Variants in TNPO2 observed in about 807,000 individuals in gnomAD.
The protein encoded by TNPO2 is transportin-2.
Under a neutral mutation model 111.1 loss-of-function variants are expected in TNPO2, and 16 were observed. That is an observed-to-expected ratio of 0.14 (90% CI 0.10 to 0.22). The LOEUF (loss-of-function observed/expected upper bound fraction) is 0.22. Among genes scored for constraint, TNPO2 ranks in the 10% least tolerant of loss-of-function variants. TNPO2 has a pLI of 1.00. For missense variants in TNPO2, 530 were observed against 1,173.7 expected (o/e 0.45, Z 8.01); for synonymous variants, 481 against 475.8 (o/e 1.01, Z -0.14).
Position 12,715,551 on chromosome 19 carries a change from G to A in TNPO2, c.433-13C>T, listed in dbSNP as rs966851734. 2 of 1,613,746 alleles carry A rather than the reference G, an allele frequency of 1.2e-6. No homozygotes were observed. The highest frequency in any genetic ancestry group is 1.7e-5 in the Admixed American group (1 of 59,978). On this transcript the variant is annotated splice_polypyrimidine_tract_variant and intron_variant, in intron 6 of 25. Coordinates refer to ENST00000425528, the MANE Select transcript of TNPO2 (RefSeq NM_001382241.1). This position sits in a 1 kb window ranked among gnomAD's most constrained non-coding sequence, Gnocchi z 7.1. ...CTCCAAAGGCTCCCTGAGTGCAGAGGGGCAGAGAGACAAACGTGGGTGGTG... is the reference window on the plus strand; with the variant it reads ...CTCCAAAGGCTCCCTGAGTGCAGAGAGGCAGAGAGACAAACGTGGGTGGTG...
At position 12,705,629 on chromosome 19, in the gene TNPO2, C is replaced by T. The variant is rs1486432265; in HGVS notation, c.1756-30G>A. 2 of 1,579,328 alleles carry T rather than the reference C, an allele frequency of 1.3e-6. No individual in the cohort carries two copies. Among genetic ancestry groups the T allele is most frequent in the Admixed American group, 1.8e-5 (1 of 54,628 alleles). ...CAGGGAGGAAGGCAGGTGGGGAGAA[C>T]TCAGGCAGGGTGGGCAGGATGGGTT... On this transcript the variant is annotated intron_variant, in intron 16 of 25. Coordinates refer to ENST00000425528, the MANE Select transcript of TNPO2 (RefSeq NM_001382241.1). The surrounding 1 kb of genome is among the most constrained non-coding windows in gnomAD (Gnocchi z 7.2).
chr19:12,702,969 G>A lies in TNPO2; in HGVS notation c.2210-51C>T. On this transcript the variant is annotated intron_variant, in intron 20 of 25. Transcript: ENST00000425528. This position sits in a 1 kb window ranked among gnomAD's most constrained non-coding sequence, Gnocchi z 5.5. ...TGCACAGCCCCCGCCACCCACAGGG[G>A]CCAGGGGGCCGCCCCACCTCACTCA... 1 of 1,543,550 alleles carries A rather than the reference G, an allele frequency of 6.5e-7. No individual in the cohort carries two copies. Among genetic ancestry groups the A allele is most frequent in the Non-Finnish European group, 8.9e-7 (1 of 1,119,982 alleles).
rs536246408 is a variant in TNPO2, at chr19:12,719,611, C to A, written c.100-275G>T. 3.9e-5 allele frequency among the ~76,000 whole-genome samples: 6 copies of A among 152,166 alleles called. No individual in the cohort carries two copies. Among genetic ancestry groups the A allele is most frequent in the African/African-American group, 1.4e-4 (6 of 41,510 alleles). ...AGGAGTTCGAGACTAGCCTGGCCAG[C>A]GTGGTGAAACCCCATCTCTACTAAA... On this transcript the variant is annotated intron_variant, in intron 3 of 25. Transcript: ENST00000425528. The surrounding 1 kb of genome is among the most constrained non-coding windows in gnomAD (Gnocchi z 5.0).
intron 13 of TNPO2, among the ~76,000 whole-genome samples, chr19:12,708,355 C>A (rs896258064): frequency 6.6e-5 from 10 of 151,800 alleles, no homozygotes; most frequent in Non-Finnish European, 1.3e-4. Flanking sequence ...TGGTCTTGAA[C>A]CCCTGGCATC....
chr19:12,722,556 A>G (rs950812980), intron 2 of TNPO2: 1 of 136,130 alleles, frequency 7.3e-6, no homozygotes, highest in African/African-American at 2.8e-5. Context: ...CCAAAGAGAG[A>G]GAATTAAAAA....
chr19:12,702,517 C>A lies in TNPO2; in HGVS notation c.2305+306G>T. The A allele has an allele frequency of 1.9e-6, 1 of 524,978 alleles. No individual in the cohort carries two copies. 32.5% of individuals were successfully genotyped at this position (524,978 alleles called of 1,614,324 possible). ...GAGTAGCTGGGATTGCAGGCACGTG[C>A]CATTACCCCCGGCTAATTTTTGTAT... On this transcript the variant is annotated intron_variant, in intron 21 of 25. Transcript: ENST00000425528. The surrounding 1 kb of genome is among the most constrained non-coding windows in gnomAD (Gnocchi z 5.5).
rs1031775692 is a variant in TNPO2, at chr19:12,701,259, G to A, written c.*21-16C>T. The A allele has an allele frequency of 1.9e-6, 2 of 1,038,088 alleles. No homozygotes were observed. Among genetic ancestry groups the A allele is most frequent in the Non-Finnish European group, 2.9e-6 (2 of 693,210 alleles). The allele number at this position is 1,038,088 out of a possible 1,614,324, so 64.3% of individuals were successfully genotyped here. On this transcript the variant is annotated splice_polypyrimidine_tract_variant and intron_variant, in intron 25 of 25. Transcript: ENST00000425528. This position sits in a 1 kb window ranked among gnomAD's most constrained non-coding sequence, Gnocchi z 5.0. The stretch of plus-strand genomic sequence containing the variant: ...AGACAGAAACCTGCAGGGGGAGGAG[G>A]AAGGTCATGGCCTGGGACCTTTCGG...
At chr19:12,713,565 C>A (rs938752329) in intron 10 of TNPO2, among the ~76,000 whole-genome samples, 1 of 152,096 alleles carries the variant, frequency 6.6e-6, no homozygotes, top group African/African-American at 2.4e-5. Flanking sequence ...AATCCTAGCA[C>A]TTTGGGAGGC....
At position 12,720,870 on chromosome 19, in the gene TNPO2, G is replaced by T. The variant is rs373277042; in HGVS notation, c.99+9C>A. On this transcript the variant is annotated intron_variant, in intron 3 of 25. Coordinates refer to ENST00000425528, the MANE Select transcript of TNPO2 (RefSeq NM_001382241.1). ...CGGCTCCCCCAGCCCCGGAAGGAAG[G>T]AAGGATACATCCTGCACGATGCGCT... 160 of 1,591,410 alleles carry T rather than the reference G, an allele frequency of 1.0e-4. No individual in the cohort carries two copies. Among genetic ancestry groups the T allele is most frequent in the Non-Finnish European group, 1.3e-4 (156 of 1,169,930 alleles).
chr19:12,704,407 T>G (rs895704132), intron 18 of TNPO2, among the ~76,000 whole-genome samples: 1 of 152,116 alleles, frequency 6.6e-6, no homozygotes, highest in African/African-American at 2.4e-5. Flanking sequence ...GCATAGTGTT[T>G]GCATATGCAC....
At chr19:12,711,726 C>G (rs937068145) in intron 10 of TNPO2, 113 bp from the exon 11 acceptor site, 70 of 843,860 alleles carry the variant, frequency 8.3e-5, no homozygotes, top group Non-Finnish European at 1.3e-5. Context: ...GCCCCCCAAT[C>G]AGCCACAGAG....
Position 12,701,587 on chromosome 19 carries a change from C to A in TNPO2, c.2586+11G>T, listed in dbSNP as rs1424863596. 15 of 1,613,634 alleles carry A rather than the reference C, an allele frequency of 9.3e-6. No homozygotes were observed. Among genetic ancestry groups the A allele is most frequent in the Non-Finnish European group, 1.2e-5 (14 of 1,179,802 alleles). ...TCCCGGAACTAGATCAGGGCCCAGA[C>A]AGAGCCTCACCTTATAAAACATGTC... On this transcript the variant is annotated intron_variant, in intron 24 of 25. Transcript: ENST00000425528. This position sits in a 1 kb window ranked among gnomAD's most constrained non-coding sequence, Gnocchi z 5.0.
At chr19:12,711,648 G>T (rs1430636068) in intron 10 of TNPO2, 35 bp from the exon 11 acceptor site, 1 of 1,601,000 alleles carries the variant, frequency 6.2e-7, no homozygotes, top group African/African-American at 1.3e-5. Context: ...GGGATGCAGG[G>T]GCCGTGGCAA....
At chr19:12,718,162 G>A (rs1039824356) in intron 5 of TNPO2, among the ~76,000 whole-genome samples, 10 of 147,844 alleles carry the variant, frequency 6.8e-5, no homozygotes, top group Admixed American at 2.0e-4. Flanking sequence ...TCACCACCAC[G>A]CCCAGCTAAT....
chr19:12,700,630 C>CTGAGG lies in TNPO2; in HGVS notation c.*633_*634insCCTCA, dbSNP rs2025233428. On this transcript the variant is annotated 3_prime_UTR_variant, in exon 26 of 26. Coordinates refer to ENST00000425528, the MANE Select transcript of TNPO2 (RefSeq NM_001382241.1). ...GGTCACCATCCTCCTCCCCCCGCCC[C>CTGAGG]GAGATCCCGCCTGAGGCCCCCCACC... is the stretch of plus-strand genomic sequence containing the variant. The CTGAGG allele has an allele frequency of 3.3e-5, 5 of 149,650 alleles. No individual in the cohort carries two copies. The highest frequency in any genetic ancestry group is 1.2e-4 in the African/African-American group (5 of 40,582). The allele number at this position is 149,650 out of a possible 1,614,324, so 9.3% of individuals were successfully genotyped here.
rs1204455944 is a variant in TNPO2 at position 12,721,243 on chromosome 19, C to T, written c.-13-253G>A. 1 of 1,302,436 alleles carries T rather than the reference C, an allele frequency of 7.7e-7. No individual in the cohort carries two copies. The highest frequency in any genetic ancestry group is 4.0e-5 in the East Asian group (1 of 24,750). The allele number at this position is 1,302,436 out of a possible 1,614,324, so 80.7% of individuals were successfully genotyped here. A position where few individuals can be genotyped will look rare whatever the true frequency, so the allele number is the denominator to read the frequency against. On this transcript the variant is annotated intron_variant, in intron 2 of 25. Coordinates refer to ENST00000425528, the MANE Select transcript of TNPO2 (RefSeq NM_001382241.1). This position sits in a 1 kb window ranked among gnomAD's most constrained non-coding sequence, Gnocchi z 4.9. ...CACAGGCGGCGGCGGCGGGGCCCGG[C>T]GGATCCTCATGGGACCCAGCGAAGA...
In TNPO2 at chr19:12,705,143, C is replaced by A. The variant is rs1200749725; in HGVS notation, c.2022+97G>T. On this transcript the variant is annotated intron_variant, in intron 18 of 25. Transcript: ENST00000425528. The surrounding 1 kb of genome is among the most constrained non-coding windows in gnomAD (Gnocchi z 7.2). The stretch of plus-strand genomic sequence containing the variant: ...TAAAATAATTAGAACAGCACCTTTT[C>A]CCTGATTTCCTTTGGGCACAACCAG... The A allele has an allele frequency of 3.1e-6, 4 of 1,273,824 alleles. No homozygotes were observed. The African/African-American group carries it at 5.9e-5, about 19-fold the overall frequency. The allele number at this position is 1,273,824 out of a possible 1,614,324, so 78.9% of individuals were successfully genotyped here. A position where few individuals can be genotyped will look rare whatever the true frequency, so the allele number is the denominator to read the frequency against.
At chr19:12,703,927 C>T (rs2145466680) in intron 18 of TNPO2, 126 bp from the exon 19 acceptor site, 2 of 787,710 alleles carry the variant, frequency 2.5e-6, no homozygotes, top group Admixed American at 2.9e-5. Flanking sequence ...CCTAGCTGTT[C>T]CTTAACCTCC....
chr19:12,700,709 A>G lies in TNPO2; in HGVS notation c.*555T>C, dbSNP rs1229818543. 7.5e-6 allele frequency: 1 copy of G among 133,298 alleles called. No homozygotes were observed. Among genetic ancestry groups the G allele is most frequent in the African/African-American group, 2.8e-5 (1 of 35,110 alleles). The allele number at this position is 133,298 out of a possible 1,614,324, so 8.3% of individuals were successfully genotyped here. A position where few individuals can be genotyped will look rare whatever the true frequency, so the allele number is the denominator to read the frequency against. On this transcript the variant is annotated 3_prime_UTR_variant, in exon 26 of 26. Coordinates refer to ENST00000425528, the MANE Select transcript of TNPO2 (RefSeq NM_001382241.1). ...TCCGGCAAAACAGCAGAAGCTTCTT[A>G]AACTCTAGATGCAGGTTACACGGAA... is the stretch of plus-strand genomic sequence containing the variant.
Sources: gnomAD v4.1 joint callset for allele counts (sites outside exome capture counted in the v4.1 genomes callset) on GRCh38, gnomAD v4.1.1 for gene constraint, Gnocchi (gnomAD v3.1) non-coding constraint, MANE v1.5 for transcripts, NCBI Gene and HGNC (gene_info 2026-07-23, HGNC 2026-07-21) for gene names.